NYX: variants seen among roughly 807,000 people sequenced by gnomAD.
NYX encodes leucine-rich repeat protein.
For synonymous variants in NYX, 258 were observed against 245.7 expected, an observed-to-expected ratio of 1.05 and a Z score of -0.47; for missense variants, 481 against 485.4, an observed-to-expected ratio of 0.99 and a Z score of 0.09.
chrX:41,450,856 G>C (rs1458283847), intron 2 of NYX, among the ~76,000 whole-genome samples: 4 of 42,242 alleles, frequency 9.5e-5, no homozygotes, highest in African/African-American at 3.7e-4. Context: ...TTTTTTTTTT[G>C]GGTATTTTTA....
At chrX:41,464,327 C>T (rs973302999) in intron 2 of NYX, among the ~76,000 whole-genome samples, 3 of 109,365 alleles carry the variant, frequency 2.7e-5, no homozygotes, top group African/African-American at 1.0e-4. Context: ...TGTGTAGAGA[C>T]AGGGTTTTGC....
At chrX:41,457,347 C>A (rs1212137825) in intron 2 of NYX, among the ~76,000 whole-genome samples, 2 of 105,216 alleles carry the variant, frequency 1.9e-5, no homozygotes. Flanking sequence ...AGCTCCCTTG[C>A]CCTTTCTACC....
intron 2 of NYX, chrX:41,472,277 G>A (rs1422767573): frequency 1.6e-5 from 18 of 1,108,990 alleles, no homozygotes; most frequent in Non-Finnish European, 2.1e-5. Context: ...GAAGGTATAC[G>A]AAATAATGTC....
At chrX:41,460,694 C>T (rs1263452946) in intron 2 of NYX, among the ~76,000 whole-genome samples, 2 of 108,615 alleles carry the variant, frequency 1.8e-5, no homozygotes, top group African/African-American at 6.7e-5. Context: ...CCTCACGAAA[C>T]CATCACCTCA....
chrX:41,453,996 A>G (rs2064290415), intron 2 of NYX, among the ~76,000 whole-genome samples: 1 of 112,492 alleles, frequency 8.9e-6, no homozygotes, highest in African/African-American at 3.2e-5. Flanking sequence ...AACTCTTTAT[A>G]TCACACAGAT....
In NYX at chrX:41,473,612, C is replaced by T; in HGVS notation, c.144C>T (p.Leu48=). The change falls in exon 3 of 3, where the codon CTC becomes CTT. Residue 48 remains leucine (L), a synonymous_variant. Transcript: ENST00000378220. ...CGGTGCGCTGCGACCGCGCGGGCCT[C>T]CTGCGGGTGCCGGCCGAGCTCCCGT... ...GCSVRCDRAG[L]LRVPAELPCE... The T allele has an allele frequency of 9.6e-7, 1 of 1,045,860 alleles. No homozygotes were observed. Among genetic ancestry groups the T allele is most frequent in the East Asian group, 4.4e-5 (1 of 22,590 alleles). 86.2% of individuals were successfully genotyped at this position (1,045,860 alleles called of 1,213,427 possible).
intron 2 of NYX, among the ~76,000 whole-genome samples, chrX:41,471,241 A>AGTTGGGATTACAG (rs1237387331): frequency 9.0e-6 from 1 of 111,147 alleles, no homozygotes; most frequent in African/African-American, 3.3e-5. Context: ...CCTTCTGAGC[A>AGTTGGGATTACAG]GTTGGGATTA....
chrX:41,469,547 C>CTT lies in NYX; in HGVS notation c.23-3928_23-3927dup, dbSNP rs5902281. Among the ~76,000 whole-genome samples the CTT allele has an allele frequency of 1.2e-3, 112 of 90,281 alleles. 2 individuals carry two copies. The highest frequency in any genetic ancestry group is 1.4e-3 in the East Asian group (4 of 2,897). 78.4% of individuals were successfully genotyped at this position (90,281 alleles called of 115,157 possible). A position where few individuals can be genotyped will look rare whatever the true frequency, so the allele number is the denominator to read the frequency against. On this transcript the variant is annotated intron_variant, in intron 2 of 2. Transcript: ENST00000378220. ...GGTAGCAGGCCACGATGACATTCTACTTTTTTTTTTTTTTTTTGAGACGGA... is the reference window on the plus strand; with the variant it reads ...GGTAGCAGGCCACGATGACATTCTACTTTTTTTTTTTTTTTTTTTGAGACGGA...
rs1460339580 is a variant in NYX at position 41,474,398 on chromosome X, C to T, written c.930C>T (p.Thr310=). ...TGCACCTCAACGGCAACCGCCTCAC[C>T]GTGCTCGCCTGGGTCGCCTTCCAGC... ...LALHLNGNRL[T]VLAWVAFQPG... Residue 310 remains threonine (T), a synonymous_variant, in exon 3 of 3, where the codon ACC becomes ACT. Transcript: ENST00000378220. 8.3e-7 allele frequency: 1 copy of T among 1,208,125 alleles called. No homozygotes were observed. The highest frequency in any genetic ancestry group is 1.1e-6 in the Non-Finnish European group (1 of 895,475).
rs780146156 is a variant in NYX at position 41,448,368 on chromosome X, G to A, written c.22+442G>A. ...CGCCATTCTCCTGCCTCAGCCTCCC[G>A]AGTAGCTGGGAGTACAGGTGCCCGC... On this transcript the variant is annotated intron_variant, in intron 2 of 2. Transcript: ENST00000378220. Among the ~76,000 whole-genome samples the A allele has an allele frequency of 5.5e-5, 6 of 108,314 alleles. No homozygotes were observed. In the South Asian group the frequency reaches 1.7e-3, roughly 30 times the overall value. 94.1% of individuals were successfully genotyped at this position (108,314 alleles called of 115,157 possible). A position where few individuals can be genotyped will look rare whatever the true frequency, so the allele number is the denominator to read the frequency against.
At chrX:41,460,233 T>C (rs1272424211) in intron 2 of NYX, among the ~76,000 whole-genome samples, 1 of 107,525 alleles carries the variant, frequency 9.3e-6, no homozygotes, top group African/African-American at 3.4e-5. Context: ...GGTGGTGCCA[T>C]CTTAGCTCAC....
chrX:41,452,954 G>A (rs2064286105), intron 2 of NYX, among the ~76,000 whole-genome samples: 1 of 111,882 alleles, frequency 8.9e-6, no homozygotes, highest in South Asian at 3.7e-4. Context: ...GTTTTGGTCC[G>A]AGGAGCCACT....
At chrX:41,467,764 C>T (rs971915498) in intron 2 of NYX, among the ~76,000 whole-genome samples, 1 of 109,993 alleles carries the variant, frequency 9.1e-6, no homozygotes, top group Non-Finnish European at 1.9e-5. Context: ...CTCAAGTAAT[C>T]TTCCTGCCTC....
rs2064383586 is a variant in NYX, at chrX:41,474,754, C to T, written c.1286C>T (p.Thr429Ile). The T allele has an allele frequency of 1.7e-6, 2 of 1,192,291 alleles. No homozygotes were observed. The highest frequency in any genetic ancestry group is 2.4e-4 in the Middle Eastern group (1 of 4,252). ...CCGGTGGAGGAGGCGGCCAACACCACTGGGGGGCTGGCCAACGCCTCCCTG... is the reference window on the plus strand; with the variant it reads ...CCGGTGGAGGAGGCGGCCAACACCATTGGGGGGCTGGCCAACGCCTCCCTG... ...RVPVEEAANT[T>I]GGLANASLSD... Residue 429 changes from threonine (T) to isoleucine (I), a missense_variant, in exon 3 of 3, where the codon ACT becomes ATT. By Grantham distance (89) the Thr-to-Ile change is moderately conservative. Transcript: ENST00000378220.
Position 41,447,536 on chromosome X carries a change from C to T in NYX, c.-57+20C>T, listed in dbSNP as rs2064262383. On this transcript the variant is annotated intron_variant, in intron 1 of 2. Coordinates refer to ENST00000378220, the MANE Select transcript of NYX (RefSeq NM_001378477.3). ...AGGACGGTAAGCAACATTTGAGGAC[C>T]ATTCACTAACGCTTCTCTGCAGGGG... 3.7e-6 allele frequency: 1 copy of T among 272,846 alleles called. No homozygotes were observed. The highest frequency in any genetic ancestry group is 2.8e-5 in the African/African-American group (1 of 36,068). 22.5% of individuals were successfully genotyped at this position (272,846 alleles called of 1,213,427 possible). A position where few individuals can be genotyped will look rare whatever the true frequency, so the allele number is the denominator to read the frequency against.
rs1481188594 is a variant in NYX, at chrX:41,473,870, C to T, written c.402C>T (p.Arg134=). The T allele has an allele frequency of 1.8e-6, 2 of 1,125,982 alleles. No homozygotes were observed. The highest frequency in any genetic ancestry group is 2.3e-6 in the Non-Finnish European group (2 of 859,476). 92.8% of individuals were successfully genotyped at this position (1,125,982 alleles called of 1,213,427 possible). A position where few individuals can be genotyped will look rare whatever the true frequency, so the allele number is the denominator to read the frequency against. Residue 134 remains arginine (R), a synonymous_variant, in exon 3 of 3, where the codon CGC becomes CGT. Coordinates refer to ENST00000378220, the MANE Select transcript of NYX (RefSeq NM_001378477.3). ...RTFAALSRLR[R]LDLAACRLFS... ...TCGCGGCGCTCAGCCGCCTGCGCCG[C>T]CTAGACCTAGCAGCCTGCCGCCTCT...
chrX:41,473,708 G>A lies in NYX; in HGVS notation c.240G>A (p.Leu80=), dbSNP rs1403197688. 4.3e-6 allele frequency: 5 copies of A among 1,149,430 alleles called. No individual in the cohort carries two copies. The highest frequency in any genetic ancestry group is 3.4e-6 in the Non-Finnish European group (3 of 870,103). 94.7% of individuals were successfully genotyped at this position (1,149,430 alleles called of 1,213,427 possible). A position where few individuals can be genotyped will look rare whatever the true frequency, so the allele number is the denominator to read the frequency against. The stretch of plus-strand genomic sequence containing the variant: ...TGGGCGAGCGAGCCTTCGGCACGCT[G>A]CCGTCCTTGCGCCGCCTGTCGCTGC... ...RFLGERAFGT[L]PSLRRLSLRH... The change falls in exon 3 of 3, where the codon CTG becomes CTA. Residue 80 remains leucine (L), a synonymous_variant. Transcript: ENST00000378220.
chrX:41,460,741 C>A (rs1285211666), intron 2 of NYX, among the ~76,000 whole-genome samples: 1 of 109,449 alleles, frequency 9.1e-6, no homozygotes, highest in African/African-American at 3.3e-5. Context: ...CCCCAAGAAT[C>A]ATGCCCCATT....
chrX:41,457,559 G>GC (rs1413081625), intron 2 of NYX, among the ~76,000 whole-genome samples: 1 of 98,698 alleles, frequency 1.0e-5, no homozygotes, highest in African/African-American at 3.7e-5. Flanking sequence ...TCTTCACCTT[G>GC]CCCTTGGCTC....
Sources: gnomAD v4.1 joint callset for allele counts (sites outside exome capture counted in the v4.1 genomes callset) on GRCh38, gnomAD v4.1.1 for gene constraint, MANE v1.5 for transcripts, NCBI Gene and HGNC (gene_info 2026-07-23, HGNC 2026-07-21) for gene names.